The following COL27A1 variants were observed in gnomAD, a reference collection of about 807,000 sequenced individuals.
COL27A1 encodes collagen type XXVII alpha 1 chain, also known as collagen alpha-1(XXVII) chain.
A neutral mutation model predicts 251.3 loss-of-function variants in COL27A1; 106 were observed. That is an observed-to-expected ratio of 0.42 (90% CI 0.36 to 0.50). The LOEUF is 0.50. Ranked by LOEUF, COL27A1 falls within the 20% of genes least tolerant of loss-of-function variation. The pLI is 0.00. For missense variants in COL27A1, 2,325 were observed against 2,522.8 expected (o/e 0.92, Z 1.68); for synonymous variants, 1,000 against 986.3 (o/e 1.01, Z -0.26).
At chr9:114,251,323 G>T (rs114219309) in intron 25 of COL27A1, among the ~76,000 whole-genome samples, 1 of 151,700 alleles carries the variant, frequency 6.6e-6, no homozygotes, top group East Asian at 1.9e-4. Flanking sequence ...AGTATCCCCC[G>T]CAAGTCTGGC....
intron 7 of COL27A1, among the ~76,000 whole-genome samples, chr9:114,202,646 C>G (rs1179743460): frequency 6.6e-6 from 1 of 152,158 alleles, no homozygotes; most frequent in African/African-American, 2.4e-5. Context: ...CCATCCTTCA[C>G]CCTCTCACCC....
rs559359828 is a variant in COL27A1 at position 114,306,256 on chromosome 9, G to A, written c.4939-264G>A. ...CACCCTCGCCTACCTCATTCACGGG[G>A]CTCTGCCTGTCCCATATCAGAGAAC... On this transcript the variant is annotated intron_variant, in intron 57 of 60. Coordinates refer to ENST00000356083, the MANE Select transcript of COL27A1 (RefSeq NM_032888.4). 1.6e-5 allele frequency: 6 copies of A among 380,708 alleles called. No individual in the cohort carries two copies. In the Admixed American group the frequency reaches 2.1e-4, roughly 13 times the overall value. The allele number at this position is 380,708 out of a possible 1,614,324, so 23.6% of individuals were successfully genotyped here.
intron 5 of COL27A1, among the ~76,000 whole-genome samples, chr9:114,193,332 C>T (rs1366725923): frequency 6.6e-6 from 1 of 152,162 alleles, no homozygotes; most frequent in African/African-American, 2.4e-5. Context: ...GCTGGTGAAC[C>T]TGTGGGCCCT....
At chr9:114,246,621 A>G (rs532528706) in intron 24 of COL27A1, among the ~76,000 whole-genome samples, 9 of 152,244 alleles carry the variant, frequency 5.9e-5, no homozygotes, top group South Asian at 2.1e-4. Flanking sequence ...GGCTTCCTCA[A>G]TCCGGAAGGA....
Position 114,290,724 on chromosome 9 carries a change from C to A in COL27A1, c.4369-86C>A. The A allele has an allele frequency of 9.9e-7, 1 of 1,010,374 alleles. No individual in the cohort carries two copies. The highest frequency in any genetic ancestry group is 1.5e-6 in the Non-Finnish European group (1 of 689,212). The allele number at this position is 1,010,374 out of a possible 1,614,324, so 62.6% of individuals were successfully genotyped here. A position where few individuals can be genotyped will look rare whatever the true frequency, so the allele number is the denominator to read the frequency against. Reference sequence around the variant, plus strand: ...TGTGACCCCTTCCTCCAGCTTCACCCAGGGTTTGCCCAGGCGTTGAGCCAT... The same window carrying A: ...TGTGACCCCTTCCTCCAGCTTCACCAAGGGTTTGCCCAGGCGTTGAGCCAT... On this transcript the variant is annotated intron_variant, in intron 47 of 60. Transcript: ENST00000356083. The surrounding 1 kb of genome is among the most constrained non-coding windows in gnomAD (Gnocchi z 4.6).
At position 114,284,749 on chromosome 9, in the gene COL27A1, T is replaced by G; in HGVS notation, c.3959T>G (p.Leu1320Arg). 6.2e-7 allele frequency: 1 copy of G among 1,614,206 alleles called. No individual in the cohort carries two copies. The highest frequency in any genetic ancestry group is 2.2e-5 in the East Asian group (1 of 44,886). The change falls in exon 41 of 61, where the codon CTT (leucine) becomes CGT (arginine). Residue 1320 changes from leucine to arginine, a missense_variant. Leu to Arg is a moderately radical substitution (Grantham distance 102). Coordinates refer to ENST00000356083, the MANE Select transcript of COL27A1 (RefSeq NM_032888.4). The stretch of plus-strand genomic sequence containing the variant: ...GGACACAAAGGCATTGTGGGACCCC[T>G]TGGACCTCCTGGACCAAAAGGCGAA... Reference protein sequence around the residue: ...YDGHKGIVGPLGPPGPKGEKG... With the variant: ...YDGHKGIVGPRGPPGPKGEKG...
chr9:114,162,813 G>C lies in COL27A1; in HGVS notation c.133+28G>C, dbSNP rs757077007. 3 of 1,548,358 alleles carry C rather than the reference G, an allele frequency of 1.9e-6. No homozygotes were observed. The South Asian group carries it at 3.4e-5, about 17-fold the overall frequency. ...AATTCTCTCTTCTCTTTGTCCAGGG[G>C]GAGACAAAGGAGAACGGAAGGGGCC... is the stretch of plus-strand genomic sequence containing the variant. On this transcript the variant is annotated intron_variant, in intron 2 of 60. Coordinates refer to ENST00000356083, the MANE Select transcript of COL27A1 (RefSeq NM_032888.4).
At chr9:114,184,809 C>A (rs73656014) in intron 5 of COL27A1, among the ~76,000 whole-genome samples, 1 of 152,226 alleles carries the variant, frequency 6.6e-6, no homozygotes, top group Non-Finnish European at 1.5e-5. Flanking sequence ...GCAGTGGAGA[C>A]TGCCCCCATG....
Position 114,205,822 on chromosome 9 carries a change from A to G in COL27A1, c.2223+10A>G. 1 of 1,610,100 alleles carries G rather than the reference A, an allele frequency of 6.2e-7. No homozygotes were observed. ...TTACCCTGGCAGGCAGGTGCAGTAT[A>G]TGGCTTCTGGAAGCTCTGTGGCCAT... On this transcript the variant is annotated intron_variant, in intron 9 of 60. Transcript: ENST00000356083.
At chr9:114,297,434 T>C (rs991001921) in intron 49 of COL27A1, among the ~76,000 whole-genome samples, 3 of 152,098 alleles carry the variant, frequency 2.0e-5, no homozygotes, top group Admixed American at 6.6e-5. Context: ...TTTAATAAAA[T>C]ATTAGAAAAC....
intron 32 of COL27A1, among the ~76,000 whole-genome samples, 184 bp from the exon 33 acceptor site, chr9:114,266,381 A>C (rs1040198205): frequency 1.3e-5 from 2 of 151,998 alleles, no homozygotes; most frequent in African/African-American, 4.8e-5. Flanking sequence ...TGGAGGGAGT[A>C]TGACAGATAC....
At chr9:114,213,929 A>G (rs891728) in intron 12 of COL27A1, among the ~76,000 whole-genome samples, 8,455 of 152,188 alleles carry the variant, frequency 0.056, 801 homozygotes, top group African/African-American at 0.19. Flanking sequence ...GGGGTGTCAG[A>G]TGTGGGTGGA....
intron 49 of COL27A1, among the ~76,000 whole-genome samples, chr9:114,296,243 A>T (rs1009273987): frequency 1.3e-5 from 2 of 152,254 alleles, no homozygotes; most frequent in African/African-American, 4.8e-5. Flanking sequence ...TCTTCAAAGG[A>T]CACTATTAAG....
intron 50 of COL27A1, 34 bp from the exon 51 acceptor site, chr9:114,300,591 C>T: frequency 6.6e-7 from 1 of 1,524,270 alleles, no homozygotes; most frequent in Non-Finnish European, 8.8e-7. Flanking sequence ...CAGTGGCTGC[C>T]AAGTACAGAC....
At chr9:114,243,675 G>A (rs73564687) in intron 23 of COL27A1, 115 bp downstream of exon 23, 24,416 of 828,704 alleles carry the variant, frequency 0.029, 1,249 homozygotes, top group African/African-American at 0.18. Context: ...AAAAAAATTG[G>A]TTCCTGTTTA....
At chr9:114,289,786 A>G (rs1173727727) in intron 45 of COL27A1, among the ~76,000 whole-genome samples, 1 of 151,852 alleles carries the variant, frequency 6.6e-6, no homozygotes, top group African/African-American at 2.4e-5. Context: ...CTAGTCTCTA[A>G]AAGATCCAGT....
At chr9:114,283,969 G>C (rs1200669193) in intron 40 of COL27A1, among the ~76,000 whole-genome samples, 3 of 152,230 alleles carry the variant, frequency 2.0e-5, no homozygotes, top group Admixed American at 1.3e-4. Flanking sequence ...TGTGGTTGGG[G>C]CTGCCAGAGC....
Position 114,168,615 on chromosome 9 carries a change from C to T in COL27A1, c.1060C>T (p.Gln354Ter), listed in dbSNP as rs1849075301. Residue 354 changes from glutamine (Q) to a stop codon, truncating the protein, a stop_gained, in exon 3 of 61, where the codon CAA becomes TAA. Transcript: ENST00000356083. LOFTEE classifies it high-confidence loss of function. ...CAGAACGCCTCGCCCTGCGGCCGCT[C>T]AACCATCACAGAAGATCACAGCCAC... Reference protein sequence around the residue: ...STRTPRPAAAQPSQKITATKI... With the variant: ...STRTPRPAAA 1 of 1,614,194 alleles carries T rather than the reference C, an allele frequency of 6.2e-7. No individual in the cohort carries two copies. The highest frequency in any genetic ancestry group is 8.5e-7 in the Non-Finnish European group (1 of 1,180,008).
At chr9:114,215,567 G>C (rs1426407225) in intron 12 of COL27A1, among the ~76,000 whole-genome samples, 2 of 152,182 alleles carry the variant, frequency 1.3e-5, no homozygotes, top group Non-Finnish European at 2.9e-5. Flanking sequence ...ACGAGAGAAA[G>C]GGGCTGGGAA....
Sources: gnomAD v4.1 joint callset for allele counts (sites outside exome capture counted in the v4.1 genomes callset) on GRCh38, gnomAD v4.1.1 for gene constraint, Gnocchi (gnomAD v3.1) non-coding constraint, MANE v1.5 for transcripts, NCBI Gene and HGNC (gene_info 2026-07-23, HGNC 2026-07-21) for gene names.